The following TMC1 variants were observed in gnomAD, a reference collection of about 807,000 sequenced individuals.
TMC1 encodes the protein transmembrane channel-like protein 1.
Under a neutral mutation model 105.8 loss-of-function variants are expected in TMC1, and 84 were observed. The observed-to-expected ratio is 0.79, with a 90% CI of 0.67 to 0.95. The LOEUF (loss-of-function observed/expected upper bound fraction) is 0.95. TMC1 is among the 40% of genes least tolerant of loss of function. The pLI, the probability that TMC1 is intolerant of heterozygous loss-of-function variation, is 0.00. For synonymous variants in TMC1, 315 were observed against 311.5 expected, an observed-to-expected ratio of 1.01 and a Z score of -0.12; for missense variants, 817 against 914.1, an observed-to-expected ratio of 0.89 and a Z score of 1.37.
chr9:72,816,725 A>G (rs1202406755), intron 19 of TMC1, among the ~76,000 whole-genome samples: 1 of 152,150 alleles, frequency 6.6e-6, no homozygotes, highest in Non-Finnish European at 1.5e-5. Flanking sequence ...TTCATTTTGT[A>G]ACTTGTTTTA....
intron 5 of TMC1, among the ~76,000 whole-genome samples, chr9:72,686,560 A>G (rs759367133): frequency 1.6e-4 from 25 of 152,236 alleles, no homozygotes; most frequent in Non-Finnish European, 2.9e-4. Flanking sequence ...GGATCTTGGT[A>G]GTGTCTTAAA....
rs77693544 is a variant in TMC1, at chr9:72,665,687, G to A, written c.16+17023G>A. Among the ~76,000 whole-genome samples the A allele has an allele frequency of 3.0e-3, 451 of 152,300 alleles. 5 individuals are homozygous for A. The highest frequency in any genetic ancestry group is 0.01 in the African/African-American group (428 of 41,560). On this transcript the variant is annotated intron_variant, in intron 5 of 23. Transcript: ENST00000297784. ...GTCAGGAGACCTGAATGTTACGTCT[G>A]GCATCACGATACCTTAGTTTACAGA...
chr9:72,651,890 A>C (rs1825819653), intron 5 of TMC1, among the ~76,000 whole-genome samples: 1 of 152,130 alleles, frequency 6.6e-6, no homozygotes, highest in Admixed American at 6.5e-5. Context: ...CCCAATGTGT[A>C]GTCTCTTATC....
intron 3 of TMC1, among the ~76,000 whole-genome samples, chr9:72,625,295 A>G (rs891881249): frequency 2.6e-5 from 4 of 152,196 alleles, no homozygotes; most frequent in African/African-American, 7.2e-5. Flanking sequence ...AAGACAGAAC[A>G]TTCACCAGGG....
intron 5 of TMC1, among the ~76,000 whole-genome samples, chr9:72,674,050 T>A (rs1826164966): frequency 6.6e-6 from 1 of 152,138 alleles, no homozygotes; most frequent in South Asian, 2.1e-4. Flanking sequence ...GAAAAAGTAA[T>A]TATGAAGTAC....
Position 72,736,738 on chromosome 9 carries a change from G to A in TMC1, c.363-3381G>A, listed in dbSNP as rs1009932875. On this transcript the variant is annotated intron_variant, in intron 8 of 23. Transcript: ENST00000297784. The stretch of plus-strand genomic sequence containing the variant: ...TAGTTTTGTGAATTTCAAAATTCTT[G>A]ATGCCAAATAACTGAAGTATAGTAA... Among the ~76,000 whole-genome samples, 6 of 152,066 alleles carry A rather than the reference G, an allele frequency of 3.9e-5. No homozygotes were observed. In the East Asian group the frequency reaches 9.6e-4, roughly 24 times the overall value.
At chr9:72,716,204 C>T (rs1199684627) in intron 8 of TMC1, among the ~76,000 whole-genome samples, 3 of 152,234 alleles carry the variant, frequency 2.0e-5, no homozygotes. Flanking sequence ...TCAGCCCCTA[C>T]TGGGAGGTGT....
chr9:72,797,568 A>G (rs1229355928), intron 17 of TMC1, among the ~76,000 whole-genome samples: 5 of 152,174 alleles, frequency 3.3e-5, no homozygotes, highest in African/African-American at 1.2e-4. Flanking sequence ...AAAACCACAC[A>G]ACTACAACCA....
intron 18 of TMC1, among the ~76,000 whole-genome samples, chr9:72,809,677 T>C (rs960519831): frequency 6.6e-6 from 1 of 152,224 alleles, no homozygotes; most frequent in African/African-American, 2.4e-5. Flanking sequence ...GTGTTTGTTT[T>C]TGTTTCATTT....
intron 23 of TMC1, among the ~76,000 whole-genome samples, chr9:72,834,616 G>A (rs922894797): frequency 1.3e-5 from 2 of 152,154 alleles, no homozygotes; most frequent in African/African-American, 4.8e-5. Context: ...AAAACAACAC[G>A]GGTGGGGCTC....
chr9:72,783,197 A>C (rs1828120389), intron 13 of TMC1, among the ~76,000 whole-genome samples: 1 of 152,178 alleles, frequency 6.6e-6, no homozygotes, highest in Non-Finnish European at 1.5e-5. Context: ...AAAGGCTCAC[A>C]TGATCACAAG....
chr9:72,769,724 A>G (rs1827895146), intron 12 of TMC1, among the ~76,000 whole-genome samples: 2 of 152,196 alleles, frequency 1.3e-5, no homozygotes, highest in Admixed American at 6.5e-5. Context: ...CTAAATGTTC[A>G]CGAAATGTAT....
chr9:72,584,276 T>TC (rs1468181240), intron 2 of TMC1, among the ~76,000 whole-genome samples: 5 of 151,408 alleles, frequency 3.3e-5, no homozygotes, highest in African/African-American at 1.2e-4. Flanking sequence ...ACTTTTTTTT[T>TC]TTTTTTTGAG....
At chr9:72,612,479 ATT>A (rs34440125) in intron 2 of TMC1, among the ~76,000 whole-genome samples, 56 of 147,252 alleles carry the variant, frequency 3.8e-4, no homozygotes, top group African/African-American at 1.1e-3. Flanking sequence ...CGGCCCAAAC[ATT>A]TTTTTTTTTT....
At chr9:72,711,761 T>A (rs1826842024) in intron 8 of TMC1, among the ~76,000 whole-genome samples, 1 of 152,250 alleles carries the variant, frequency 6.6e-6, no homozygotes, top group East Asian at 1.9e-4. Context: ...GTGCAGAAGC[T>A]CTTCAGTGTA....
At position 72,688,751 on chromosome 9, in the gene TMC1, G is replaced by C. The variant is rs189479995; in HGVS notation, c.59G>C (p.Ser20Thr). 2.9e-5 allele frequency: 47 copies of C among 1,611,610 alleles called. No individual in the cohort carries two copies. The Admixed American group carries it at 6.7e-4, about 23-fold the overall frequency. Residue 20 changes from serine (S) to threonine (T), a missense_variant, in exon 6 of 24, where the codon AGC becomes ACC. Physicochemically the swap from Ser to Thr is moderately conservative, Grantham distance 58. Coordinates refer to ENST00000297784, the MANE Select transcript of TMC1 (RefSeq NM_138691.3). ...GAAAAAGAAGACGAGACTGAGGAAA[G>C]CTCAAGTAAGTGGTGATGGGCCACT... Reference protein sequence around the residue: ...VEEKEDETEESSSEEEEEVED... With the variant: ...VEEKEDETEETSSEEEEEVED...
At chr9:72,625,814 C>A (rs1275446220) in intron 3 of TMC1, among the ~76,000 whole-genome samples, 2 of 151,928 alleles carry the variant, frequency 1.3e-5, no homozygotes, top group East Asian at 3.9e-4. Flanking sequence ...TTTGTCTGTC[C>A]TTACACAAAT....
At chr9:72,758,908 C>G (rs1267156587) in intron 12 of TMC1, among the ~76,000 whole-genome samples, 1 of 141,102 alleles carries the variant, frequency 7.1e-6, no homozygotes, top group African/African-American at 2.7e-5. Flanking sequence ...GAATATTATA[C>G]TCATATATTT....
intron 1 of TMC1, among the ~76,000 whole-genome samples, chr9:72,545,322 GT>G (rs1554710280): frequency 4.2e-5 from 5 of 119,198 alleles, no homozygotes; most frequent in African/African-American, 1.0e-4. Flanking sequence ...ACATTAATAT[GT>G]TTTTTTTAAA....
Sources: gnomAD v4.1 joint callset for allele counts (sites outside exome capture counted in the v4.1 genomes callset) on GRCh38, gnomAD v4.1.1 for gene constraint, MANE v1.5 for transcripts, NCBI Gene and HGNC (gene_info 2026-07-23, HGNC 2026-07-21) for gene names.